Variants in DCLK2 observed in about 807,000 individuals in gnomAD.
The protein encoded by DCLK2 is serine/threonine-protein kinase DCLK2.
A neutral mutation model predicts 78.4 loss-of-function variants in DCLK2; 31 were observed. That is an observed-to-expected ratio of 0.40 (90% confidence interval 0.30 to 0.53). DCLK2 has a LOEUF of 0.53. DCLK2 is among the 20% of genes least tolerant of loss of function. DCLK2 has a pLI of 0.61. For missense variants in DCLK2, 872 were observed against 973.7 expected (o/e 0.90, Z 1.39); for synonymous variants, 407 against 374.9 (o/e 1.09, Z -0.99).
At chr4:150,225,837 G>C (rs1422406835) in intron 8 of DCLK2, among the ~76,000 whole-genome samples, 3 of 152,050 alleles carry the variant, frequency 2.0e-5, no homozygotes, top group Non-Finnish European at 4.4e-5. Context: ...GTGTATTCCT[G>C]GCCCTGCCTC....
At chr4:150,097,777 A>G (rs1033964641) in intron 1 of DCLK2, among the ~76,000 whole-genome samples, 2 of 152,130 alleles carry the variant, frequency 1.3e-5, no homozygotes, top group African/African-American at 4.8e-5. Context: ...TCCTCTTTCT[A>G]TACAGAAACC....
At chr4:150,205,740 T>C (rs997698688) in intron 5 of DCLK2, among the ~76,000 whole-genome samples, 1 of 152,272 alleles carries the variant, frequency 6.6e-6, no homozygotes. Context: ...TAAGTTGATT[T>C]ACCTCTTTTC....
intron 10 of DCLK2, 53 bp downstream of exon 10, chr4:150,232,881 G>A (rs1019239202): frequency 3.8e-6 from 6 of 1,580,840 alleles, no homozygotes; most frequent in Non-Finnish European, 5.2e-6. Context: ...TCCTTTAAAA[G>A]GAGCACATGC....
At chr4:150,155,001 C>A (rs749162679) in intron 2 of DCLK2, among the ~76,000 whole-genome samples, 1 of 152,036 alleles carries the variant, frequency 6.6e-6, no homozygotes, top group Non-Finnish European at 1.5e-5. Flanking sequence ...GAGGCCTAGG[C>A]GGGTGGATCA....
chr4:150,175,192 TATC>T (rs1736970212), intron 2 of DCLK2, among the ~76,000 whole-genome samples: 2 of 79,202 alleles, frequency 2.5e-5, no homozygotes, highest in African/African-American at 6.4e-5. Flanking sequence ...ATTTATAATT[TATC>T]TATATATATT....
At chr4:150,127,825 T>C (rs1216333970) in intron 2 of DCLK2, among the ~76,000 whole-genome samples, 2 of 152,332 alleles carry the variant, frequency 1.3e-5, no homozygotes, top group South Asian at 2.1e-4. Flanking sequence ...GTGGAGTTGG[T>C]TGGTTATTGC....
chr4:150,222,784 T>C (rs1741291720), intron 7 of DCLK2, among the ~76,000 whole-genome samples: 1 of 151,734 alleles, frequency 6.6e-6, no homozygotes, highest in Admixed American at 6.6e-5. Context: ...GAGAATCACT[T>C]GAAGCTGGAA....
chr4:150,215,870 T>TC (rs1299224630), intron 5 of DCLK2, among the ~76,000 whole-genome samples: 1 of 152,198 alleles, frequency 6.6e-6, no homozygotes, highest in Non-Finnish European at 1.5e-5. Context: ...TGCAGTCAGA[T>TC]TAGAGTCCTG....
chr4:150,167,799 C>A (rs1260945815), intron 2 of DCLK2, among the ~76,000 whole-genome samples: 1 of 152,112 alleles, frequency 6.6e-6, no homozygotes, highest in Non-Finnish European at 1.5e-5. Flanking sequence ...GGAAGCTGGG[C>A]GAGTGGGCTC....
At chr4:150,199,446 C>T (rs1290556763) in intron 4 of DCLK2, among the ~76,000 whole-genome samples, 2 of 152,182 alleles carry the variant, frequency 1.3e-5, no homozygotes, top group Non-Finnish European at 2.9e-5. Flanking sequence ...ATCTTCTGTG[C>T]TCACCCCCTC....
intron 10 of DCLK2, among the ~76,000 whole-genome samples, chr4:150,236,303 C>G (rs1041872568): frequency 6.6e-6 from 1 of 152,042 alleles, no homozygotes; most frequent in African/African-American, 2.4e-5. Context: ...TTCTGGCAGG[C>G]CTTTCCAGTT....
At chr4:150,177,893 T>G (rs954328309) in intron 2 of DCLK2, among the ~76,000 whole-genome samples, 10 of 152,208 alleles carry the variant, frequency 6.6e-5, no homozygotes, top group Admixed American at 2.0e-4. Flanking sequence ...TGTCCTGGGT[T>G]GGTGGGGAAG....
intron 2 of DCLK2, among the ~76,000 whole-genome samples, chr4:150,192,766 A>C (rs1738561331): frequency 6.6e-6 from 1 of 152,138 alleles, no homozygotes; most frequent in Non-Finnish European, 1.5e-5. Flanking sequence ...AGTTGTTAGG[A>C]GAGGGAAGAA....
chr4:150,228,930 G>C (rs1044509825), intron 8 of DCLK2, among the ~76,000 whole-genome samples: 8 of 152,106 alleles, frequency 5.3e-5, no homozygotes, highest in South Asian at 2.1e-4. Context: ...GGAGGCTGAG[G>C]CAGGAGAATG....
chr4:150,117,304 T>C (rs970559106), intron 2 of DCLK2, among the ~76,000 whole-genome samples: 4 of 152,154 alleles, frequency 2.6e-5, no homozygotes, highest in Non-Finnish European at 5.9e-5. Context: ...AGTGTTCCAC[T>C]AGCAGCAGCT....
intron 10 of DCLK2, among the ~76,000 whole-genome samples, chr4:150,236,308 C>T (rs76160083): frequency 1.7e-3 from 253 of 152,222 alleles, no homozygotes; most frequent in Admixed American, 3.9e-3. Context: ...GCAGGCCTTT[C>T]CAGTTATTTT....
intron 2 of DCLK2, among the ~76,000 whole-genome samples, chr4:150,177,792 A>G (rs1334352677): frequency 6.6e-6 from 1 of 152,192 alleles, no homozygotes; most frequent in Non-Finnish European, 1.5e-5. Context: ...CATACCAAAT[A>G]ATATTCCTGG....
chr4:150,254,133 G>C (rs996817641), intron 15 of DCLK2, among the ~76,000 whole-genome samples: 2 of 152,206 alleles, frequency 1.3e-5, no homozygotes, highest in African/African-American at 4.8e-5. Flanking sequence ...CAGTTGCAGA[G>C]ACCAGGAGAG....
At chr4:150,121,297 C>T (rs1580540798) in intron 2 of DCLK2, among the ~76,000 whole-genome samples, 1 of 125,682 alleles carries the variant, frequency 8.0e-6, no homozygotes, top group Non-Finnish European at 1.7e-5. Context: ...CTTCCAAGTC[C>T]TGCTGCTGCT....
Sources: allele counts gnomAD v4.1 joint callset (sites outside exome capture counted in the v4.1 genomes callset), GRCh38; gene constraint gnomAD v4.1.1; transcripts MANE v1.5; gene names NCBI Gene and HGNC (gene_info 2026-07-23, HGNC 2026-07-21).